Variants in PTPRD observed in about 807,000 individuals in gnomAD.
PTPRD encodes the protein protein tyrosine phosphatase receptor type D, also known as receptor-type tyrosine-protein phosphatase delta.
A neutral mutation model predicts 214.5 loss-of-function variants in PTPRD; 34 were observed. That is an observed-to-expected ratio of 0.16 (90% CI 0.12 to 0.21). The LOEUF (loss-of-function observed/expected upper bound fraction) is 0.21. Among genes scored for constraint, PTPRD ranks in the 10% least tolerant of loss-of-function variants. PTPRD has a pLI of 1.00. For synonymous variants in PTPRD, 1,128 were observed against 845.7 expected, an observed-to-expected ratio of 1.33 and a Z score of -5.79; for missense variants, 2,545 against 2,398.7, an observed-to-expected ratio of 1.06 and a Z score of -1.27.
At chr9:8,494,299 C>T (rs2097212555) in intron 26 of PTPRD, among the ~76,000 whole-genome samples, 1 of 152,104 alleles carries the variant, frequency 6.6e-6, no homozygotes, top group South Asian at 2.1e-4. Flanking sequence ...AGGAATATCT[C>T]ACTGTGGAAA....
chr9:8,669,570 G>A (rs1391904328), intron 12 of PTPRD, among the ~76,000 whole-genome samples: 1 of 152,132 alleles, frequency 6.6e-6, no homozygotes, highest in Non-Finnish European at 1.5e-5. Flanking sequence ...GAAATAGGCT[G>A]CTGTGCTATC....
At chr9:9,270,527 G>A (rs1162874381) in intron 9 of PTPRD, among the ~76,000 whole-genome samples, 1 of 151,338 alleles carries the variant, frequency 6.6e-6, no homozygotes, top group Non-Finnish European at 1.5e-5. Flanking sequence ...GAAGGCTGAC[G>A]TGGCTGAGTG....
At chr9:10,454,392 C>A (rs761102121) in intron 2 of PTPRD, among the ~76,000 whole-genome samples, 24 of 151,264 alleles carry the variant, frequency 1.6e-4, no homozygotes, top group Non-Finnish European at 3.1e-4. Context: ...GATCCTTGAG[C>A]CAAATACATT....
At chr9:9,677,291 G>A (rs1033257317) in intron 7 of PTPRD, among the ~76,000 whole-genome samples, 6 of 151,924 alleles carry the variant, frequency 3.9e-5, no homozygotes, top group Admixed American at 1.3e-4. Context: ...AATCCATCTT[G>A]AGTTAATTTT....
At chr9:9,069,067 C>A (rs184650095) in intron 10 of PTPRD, among the ~76,000 whole-genome samples, 1 of 152,140 alleles carries the variant, frequency 6.6e-6, no homozygotes, top group Non-Finnish European at 1.5e-5. Context: ...TAAGAATATG[C>A]TTTTATTCAA....
intron 9 of PTPRD, among the ~76,000 whole-genome samples, chr9:9,315,138 T>C (rs1280507578): frequency 1.3e-5 from 2 of 150,914 alleles, no homozygotes; most frequent in Non-Finnish European, 2.9e-5. Flanking sequence ...ATATTTCCCC[T>C]TTCTTCTTCT....
At chr9:9,789,573 G>A (rs570569876) in intron 5 of PTPRD, among the ~76,000 whole-genome samples, 3 of 151,854 alleles carry the variant, frequency 2.0e-5, no homozygotes, top group African/African-American at 7.2e-5. Flanking sequence ...CGAGGCGGGC[G>A]GATCAGGAGA....
At chr9:9,680,074 A>G (rs370406131) in intron 7 of PTPRD, among the ~76,000 whole-genome samples, 8 of 152,046 alleles carry the variant, frequency 5.3e-5, no homozygotes, top group African/African-American at 1.9e-4. Flanking sequence ...GTATCAGGGA[A>G]ACAATGAATA....
At chr9:9,741,968 C>T (rs185946432) in intron 6 of PTPRD, among the ~76,000 whole-genome samples, 1 of 152,186 alleles carries the variant, frequency 6.6e-6, no homozygotes, top group African/African-American at 2.4e-5. Context: ...TGGGTATATA[C>T]CTAGTAATGC....
chr9:8,531,546 G>T (rs921552745), intron 14 of PTPRD, among the ~76,000 whole-genome samples: 1 of 151,988 alleles, frequency 6.6e-6, no homozygotes, highest in African/African-American at 2.4e-5. Context: ...TTCTGAAAAA[G>T]CTCTTAGATT....
At position 10,298,852 on chromosome 9, in the gene PTPRD, T is replaced by G. The variant is rs116602313; in HGVS notation, c.-545+42111A>C. On this transcript the variant is annotated intron_variant, in intron 3 of 45. Coordinates refer to ENST00000381196, the MANE Select transcript of PTPRD (RefSeq NM_002839.4). ...TATAAGGCTTTGTATATTTAAGCAC[T>G]GAAAATAGAGACCAGCTGTTTCTTG... Among the ~76,000 whole-genome samples, 1,215 of 152,214 alleles carry G rather than the reference T, an allele frequency of 8.0e-3. 17 individuals carry two copies. Among genetic ancestry groups the G allele is most frequent in the African/African-American group, 0.028 (1,163 of 41,560 alleles).
At chr9:8,560,201 T>A (rs2085612952) in intron 14 of PTPRD, among the ~76,000 whole-genome samples, 1 of 152,146 alleles carries the variant, frequency 6.6e-6, no homozygotes, top group Non-Finnish European at 1.5e-5. Context: ...ATGTTTATAA[T>A]CTCTCAATTC....
chr9:10,480,198 C>A (rs570842591), intron 2 of PTPRD, among the ~76,000 whole-genome samples: 1 of 152,144 alleles, frequency 6.6e-6, no homozygotes, highest in African/African-American at 2.4e-5. Flanking sequence ...GTCCTATTCT[C>A]GGCCCAACTT....
At chr9:8,895,747 C>G (rs540215833) in intron 11 of PTPRD, among the ~76,000 whole-genome samples, 4 of 152,174 alleles carry the variant, frequency 2.6e-5, no homozygotes, top group African/African-American at 9.6e-5. Context: ...GTGAGACACT[C>G]CTCCAGACTT....
intron 11 of PTPRD, among the ~76,000 whole-genome samples, chr9:8,852,732 G>C (rs2097844602): frequency 6.6e-6 from 1 of 152,162 alleles, no homozygotes; most frequent in South Asian, 2.1e-4. Context: ...AAGGACAGCA[G>C]AGGTTAAAAA....
In PTPRD at chr9:9,942,237, C is replaced by A. The variant is rs189463361; in HGVS notation, c.-471-3627G>T. ...TACATATATTCTTATTCTCCACCTC[C>A]TTTAAAAAAATTCAATGATTTACCA... On this transcript the variant is annotated intron_variant, in intron 4 of 45. Transcript: ENST00000381196. Among the ~76,000 whole-genome samples the A allele has an allele frequency of 3.4e-4, 51 of 152,192 alleles. No individual in the cohort carries two copies. In the East Asian group the frequency reaches 9.1e-3, roughly 27 times the overall value.
intron 9 of PTPRD, among the ~76,000 whole-genome samples, chr9:9,253,892 C>T (rs570010836): frequency 1.3e-5 from 2 of 152,186 alleles, no homozygotes; most frequent in Admixed American, 1.3e-4. Context: ...GCACTTCCTG[C>T]AGAGGGCTTG....
intron 2 of PTPRD, among the ~76,000 whole-genome samples, chr9:10,453,031 G>T (rs1031639021): frequency 6.6e-6 from 1 of 151,456 alleles, no homozygotes; most frequent in African/African-American, 2.4e-5. Flanking sequence ...CCATTTGTTT[G>T]TATGTGAATA....
intron 3 of PTPRD, among the ~76,000 whole-genome samples, chr9:10,290,988 C>A (rs1273491268): frequency 6.9e-6 from 1 of 144,588 alleles, no homozygotes; most frequent in Non-Finnish European, 1.5e-5. Context: ...TCTGACCTTC[C>A]TTTTTTTAAA....
Sources: gnomAD v4.1 joint callset for allele counts (sites outside exome capture counted in the v4.1 genomes callset) on GRCh38, gnomAD v4.1.1 for gene constraint, MANE v1.5 for transcripts, NCBI Gene and HGNC (gene_info 2026-07-23, HGNC 2026-07-21) for gene names.